Variants in THSD7A observed in about 807,000 individuals in gnomAD.
THSD7A encodes the protein thrombospondin type-1 domain-containing protein 7A.
A neutral mutation model predicts 231.3 loss-of-function variants in THSD7A; 96 were observed. The observed-to-expected ratio is 0.41, with a 90% CI of 0.35 to 0.49. The LOEUF (loss-of-function observed/expected upper bound fraction) is 0.49, where lower values mean the gene tolerates loss of function less well. Among genes scored for constraint, THSD7A ranks in the 20% least tolerant of loss-of-function variants. THSD7A has a pLI of 0.05. For synonymous variants in THSD7A, 940 were observed against 743.3 expected (o/e 1.26, Z -4.30); for missense variants, 2,290 against 2,070.2 (o/e 1.11, Z -2.06).
At position 11,634,914 on chromosome 7, in the gene THSD7A, C is replaced by T. The variant is rs1212982298; in HGVS notation, c.1022+1216G>A. On this transcript the variant is annotated intron_variant, in intron 2 of 27. Transcript: ENST00000423059. The surrounding 1 kb of genome is among the most constrained non-coding windows in gnomAD (Gnocchi z 4.1). ...TTTAAACCAGATTTCAAAATCTATG[C>T]ATAGCAAAATCAGTAGACAAGAATA... 6.6e-6 allele frequency among the ~76,000 whole-genome samples: 1 copy of T among 151,264 alleles called. No homozygotes were observed. Among genetic ancestry groups the T allele is most frequent in the Non-Finnish European group, 1.5e-5 (1 of 67,880 alleles).
intron 6 of THSD7A, among the ~76,000 whole-genome samples, chr7:11,528,810 T>TC (rs1369126592): frequency 6.6e-6 from 1 of 152,154 alleles, no homozygotes; most frequent in Non-Finnish European, 1.5e-5. Flanking sequence ...AAACAGCATC[T>TC]CTTTTTTTAC....
intron 1 of THSD7A, among the ~76,000 whole-genome samples, chr7:11,714,317 T>G (rs904196295): frequency 1.3e-5 from 2 of 151,274 alleles, no homozygotes; most frequent in African/African-American, 4.8e-5. Context: ...TGTGTATTTT[T>G]AAATTTTATG....
intron 6 of THSD7A, among the ~76,000 whole-genome samples, chr7:11,499,719 A>G (rs926485383): frequency 6.6e-6 from 1 of 152,262 alleles, no homozygotes; most frequent in African/African-American, 2.4e-5. Context: ...AAAGAATCTC[A>G]GAACTTGAAG....
chr7:11,607,944 G>T (rs73290875), intron 2 of THSD7A, among the ~76,000 whole-genome samples: 2,626 of 152,238 alleles, frequency 0.017, 73 homozygotes, highest in African/African-American at 0.06. Context: ...GAGGATATCA[G>T]CATGGCACAT....
chr7:11,474,205 A>G lies in THSD7A; in HGVS notation c.2252+129T>C. 1.3e-6 allele frequency: 1 copy of G among 745,020 alleles called. No individual in the cohort carries two copies. Among genetic ancestry groups the G allele is most frequent in the Non-Finnish European group, 2.1e-6 (1 of 475,600 alleles). The allele number at this position is 745,020 out of a possible 1,614,324, so 46.2% of individuals were successfully genotyped here. On this transcript the variant is annotated intron_variant, in intron 8 of 27. Transcript: ENST00000423059. This position sits in a 1 kb window ranked among gnomAD's most constrained non-coding sequence, Gnocchi z 4.1. ...TATCAGTGGCTGACTTTCAAAACAA[A>G]CAAATCTTGCTCTTGAGGACAGGTA...
rs1448570142 is a variant in THSD7A at position 11,373,313 on chromosome 7, G to A, written c.*2481C>T. 3 of 151,892 alleles carry A rather than the reference G, an allele frequency of 2.0e-5. No homozygotes were observed. Among genetic ancestry groups the A allele is most frequent in the Non-Finnish European group, 4.4e-5 (3 of 67,918 alleles). 9.4% of individuals were successfully genotyped at this position (151,892 alleles called of 1,614,324 possible). A position where few individuals can be genotyped will look rare whatever the true frequency, so the allele number is the denominator to read the frequency against. On this transcript the variant is annotated 3_prime_UTR_variant, in exon 28 of 28. Transcript: ENST00000423059. ...CACACATTTCATAAGAGGGTTAGCT[G>A]AATTTTTCAAGTAACCACAATAGAG...
At chr7:11,417,650 GAAGTA>G (rs749782595) in intron 16 of THSD7A, 47 bp from the exon 17 acceptor site, 2 of 1,559,070 alleles carry the variant, frequency 1.3e-6, no homozygotes, top group Admixed American at 4.0e-5. Flanking sequence ...ATACATTCTA[GAAGTA>G]AAGAAAACAG....
chr7:11,395,167 A>G (rs564509114), intron 23 of THSD7A, among the ~76,000 whole-genome samples: 29 of 152,056 alleles, frequency 1.9e-4, no homozygotes, highest in African/African-American at 7.0e-4. Context: ...AGCAGGGGTT[A>G]CAATCCTAGT....
At chr7:11,622,006 G>A (rs4530931) in intron 2 of THSD7A, among the ~76,000 whole-genome samples, 13,911 of 152,088 alleles carry the variant, frequency 0.091, 1,805 homozygotes, top group African/African-American at 0.28. Context: ...TCATATTAGT[G>A]ATATTTGGAT....
At chr7:11,493,059 A>G (rs1786963876) in intron 6 of THSD7A, among the ~76,000 whole-genome samples, 1 of 152,162 alleles carries the variant, frequency 6.6e-6, no homozygotes, top group Admixed American at 6.6e-5. Context: ...ATCAACAGTT[A>G]GCATTTATGA....
At chr7:11,732,002 T>A (rs1781752547) in intron 1 of THSD7A, among the ~76,000 whole-genome samples, 1 of 151,704 alleles carries the variant, frequency 6.6e-6, no homozygotes, top group African/African-American at 2.4e-5. Flanking sequence ...TTTAGCAAAA[T>A]TAATAAATGA....
intron 1 of THSD7A, among the ~76,000 whole-genome samples, chr7:11,673,285 C>A (rs1175909850): frequency 6.6e-6 from 1 of 152,074 alleles, no homozygotes; most frequent in African/African-American, 2.4e-5. Context: ...TCCCATCACC[C>A]TATGGACATT....
At chr7:11,655,861 G>A (rs1782684149) in intron 1 of THSD7A, among the ~76,000 whole-genome samples, 1 of 151,830 alleles carries the variant, frequency 6.6e-6, no homozygotes, top group African/African-American at 2.4e-5. Context: ...CATGGTCATT[G>A]TTTGCATAAT....
At chr7:11,795,634 C>T (rs1263789622) in intron 1 of THSD7A, among the ~76,000 whole-genome samples, 1 of 151,870 alleles carries the variant, frequency 6.6e-6, no homozygotes, top group East Asian at 1.9e-4. Context: ...TATTCTATTA[C>T]AGAATAACTT....
intron 1 of THSD7A, among the ~76,000 whole-genome samples, chr7:11,761,915 C>G (rs1404635376): frequency 4.6e-5 from 7 of 152,024 alleles, no homozygotes. Context: ...CCTCCTTCCC[C>G]CCTTTTGGAG....
chr7:11,486,021 A>G (rs180740531), intron 6 of THSD7A, among the ~76,000 whole-genome samples: 20 of 152,348 alleles, frequency 1.3e-4, no homozygotes, highest in Non-Finnish European at 2.4e-4. Context: ...CATTCCAGGC[A>G]TAAGTCATCT....
intron 1 of THSD7A, among the ~76,000 whole-genome samples, chr7:11,646,992 T>G (rs1562439742): frequency 3.3e-5 from 5 of 152,064 alleles, no homozygotes. Flanking sequence ...TGGGACCTTC[T>G]GAGGAGATTT....
At chr7:11,378,753 T>C (rs879102410) in intron 26 of THSD7A, 1 of 301,140 alleles carries the variant, frequency 3.3e-6, no homozygotes, top group East Asian at 7.7e-5. Flanking sequence ...CAACACATTT[T>C]TTAAAATTCA....
In THSD7A at chr7:11,484,179, C is replaced by T. The variant is rs1016763515; in HGVS notation, c.1823-2197G>A. ...TCTAAGATCCAACATCTGAGATTTCCCTGATGGTTTTAGAATGATTTCTGT... is the reference window on the plus strand; with the variant it reads ...TCTAAGATCCAACATCTGAGATTTCTCTGATGGTTTTAGAATGATTTCTGT... On this transcript the variant is annotated intron_variant, in intron 6 of 27. Coordinates refer to ENST00000423059, the MANE Select transcript of THSD7A (RefSeq NM_015204.3). Among the ~76,000 whole-genome samples, 3 of 152,112 alleles carry T rather than the reference C, an allele frequency of 2.0e-5. No homozygotes were observed. The South Asian group carries it at 6.2e-4, about 32-fold the overall frequency.
Sources: allele counts gnomAD v4.1 joint callset (sites outside exome capture counted in the v4.1 genomes callset), GRCh38; gene constraint gnomAD v4.1.1; non-coding constraint Gnocchi (gnomAD v3.1); transcripts MANE v1.5; gene names NCBI Gene and HGNC (gene_info 2026-07-23, HGNC 2026-07-21).